The following IFT88 variants were observed in gnomAD, a reference collection of about 807,000 sequenced individuals.
IFT88 encodes the protein intraflagellar transport protein 88 homolog.
A neutral mutation model predicts 119.5 loss-of-function variants in IFT88; 74 were observed. That is an observed-to-expected ratio of 0.62 (90% CI 0.51 to 0.75). The LOEUF is 0.75. Ranked by LOEUF, IFT88 falls within the 30% of genes least tolerant of loss-of-function variation. The pLI is 0.00. For synonymous variants in IFT88, 279 were observed against 316.7 expected (o/e 0.88, Z 1.26); for missense variants, 961 against 977.7 (o/e 0.98, Z 0.23).
At chr13:20,602,835 A>G (rs2042831722) in intron 12 of IFT88, among the ~76,000 whole-genome samples, 2 of 151,762 alleles carry the variant, frequency 1.3e-5, no homozygotes, top group South Asian at 4.2e-4. Flanking sequence ...GTGAGCCAAG[A>G]TTGTGCCACT....
At chr13:20,617,684 G>A (rs2045856714) in intron 14 of IFT88, among the ~76,000 whole-genome samples, 1 of 152,156 alleles carries the variant, frequency 6.6e-6, no homozygotes, top group Admixed American at 6.5e-5. Flanking sequence ...TTTTGGATAT[G>A]GCTGACCTGA....
At chr13:20,580,724 CTT>C (rs1162699940) in intron 2 of IFT88, among the ~76,000 whole-genome samples, 6 of 122,724 alleles carry the variant, frequency 4.9e-5, no homozygotes, top group African/African-American at 9.2e-5. Flanking sequence ...TTTCTTTTTT[CTT>C]TTTTTTTTTT....
intron 20 of IFT88, among the ~76,000 whole-genome samples, chr13:20,650,474 GTTAAAGTA>G (rs2051458669): frequency 6.6e-6 from 1 of 152,128 alleles, no homozygotes; most frequent in Admixed American, 6.5e-5. Context: ...TCCTTAACGT[GTTAAAGTA>G]TTGTATGGAA....
chr13:20,663,274 G>A (rs17055251), intron 22 of IFT88: 272,250 of 1,467,600 alleles, frequency 0.19, 27,779 homozygotes, highest in African/African-American at 0.36. Flanking sequence ...TTCTGGCAGC[G>A]TGAGGACAGG....
intron 3 of IFT88, among the ~76,000 whole-genome samples, chr13:20,587,250 A>C (rs1593842564): frequency 6.8e-6 from 1 of 148,074 alleles, no homozygotes; most frequent in Non-Finnish European, 1.5e-5. Flanking sequence ...TTGTTTGCCT[A>C]CTGCTTTTTT....
rs1566368517 is a variant in IFT88, at chr13:20,653,946, A to G, written c.2002+18A>G. The G allele has an allele frequency of 2.7e-6, 4 of 1,508,946 alleles. No individual in the cohort carries two copies. The highest frequency in any genetic ancestry group is 2.7e-6 in the Non-Finnish European group (3 of 1,105,372). The allele number at this position is 1,508,946 out of a possible 1,614,324, so 93.5% of individuals were successfully genotyped here. A position where few individuals can be genotyped will look rare whatever the true frequency, so the allele number is the denominator to read the frequency against. On this transcript the variant is annotated intron_variant, in intron 21 of 25. Coordinates refer to ENST00000351808, the MANE Select transcript of IFT88 (RefSeq NM_006531.5). ...AAGAAGTGGTAAATGCTTTAGTTTT[A>G]TTCATTTTATAGATATTTTGCTTCT...
chr13:20,597,754 A>AATATATAT (rs1238744164), intron 9 of IFT88, among the ~76,000 whole-genome samples: 1 of 142,594 alleles, frequency 7.0e-6, no homozygotes, highest in African/African-American at 2.6e-5. Context: ...TCAAAAAAAA[A>AATATATAT]ATATATATAT....
intron 23 of IFT88, among the ~76,000 whole-genome samples, chr13:20,665,960 G>T (rs56327800): frequency 0.043 from 6,508 of 152,290 alleles, 184 homozygotes; most frequent in Middle Eastern, 0.075. Flanking sequence ...CACGTTTATG[G>T]GTCCTTTGGA....
intron 24 of IFT88, among the ~76,000 whole-genome samples, chr13:20,682,010 G>A (rs576910155): frequency 2.0e-5 from 3 of 152,148 alleles, no homozygotes; most frequent in Non-Finnish European, 4.4e-5. Flanking sequence ...TTTTGTTTTC[G>A]GAAAGTGATT....
intron 7 of IFT88, among the ~76,000 whole-genome samples, chr13:20,595,462 G>A (rs1055945083): frequency 2.6e-5 from 4 of 151,708 alleles, no homozygotes; most frequent in African/African-American, 7.3e-5. Context: ...GCTAATTTTT[G>A]TATTTTTAGT....
intron 24 of IFT88, among the ~76,000 whole-genome samples, chr13:20,687,943 T>TG (rs1165434248): frequency 6.6e-6 from 1 of 152,194 alleles, no homozygotes; most frequent in African/African-American, 2.4e-5. Flanking sequence ...AGATAAGGCC[T>TG]GGGGCCTCAA....
rs1298655597 is a variant in IFT88 at position 20,691,221 on chromosome 13, T to A, written c.*46T>A. The A allele has an allele frequency of 6.5e-7, 1 of 1,544,250 alleles. No individual in the cohort carries two copies. Among genetic ancestry groups the A allele is most frequent in the East Asian group, 2.3e-5 (1 of 43,886 alleles). On this transcript the variant is annotated 3_prime_UTR_variant, in exon 26 of 26. Transcript: ENST00000351808. ...AAAGGAAAGAAATTGCCTTATGAGA[T>A]CATCCTCATGTTAAACCTTGGATTA...
intron 14 of IFT88, among the ~76,000 whole-genome samples, chr13:20,617,839 G>C (rs9285142): frequency 7.2e-5 from 11 of 152,084 alleles, no homozygotes; most frequent in Middle Eastern, 3.4e-3. Flanking sequence ...TGTCAACCAG[G>C]CTGGAGCGCA....
intron 2 of IFT88, among the ~76,000 whole-genome samples, chr13:20,580,644 A>G (rs762057359): frequency 4.3e-4 from 65 of 151,952 alleles, no homozygotes; most frequent in Non-Finnish European, 8.2e-4. Flanking sequence ...ATAATTTTCT[A>G]TGTTTTGATC....
At chr13:20,589,311 T>C (rs2040260945) in intron 3 of IFT88, among the ~76,000 whole-genome samples, 1 of 152,200 alleles carries the variant, frequency 6.6e-6, no homozygotes, top group Non-Finnish European at 1.5e-5. Flanking sequence ...TTAGTATACT[T>C]TCATCGATGT....
At chr13:20,589,998 A>AATAGTGT in intron 4 of IFT88, 131 bp downstream of exon 4, 1 of 491,568 alleles carries the variant, frequency 2.0e-6, no homozygotes. Flanking sequence ...ATACTTACAA[A>AATAGTGT]CATTATACAA....
chr13:20,597,077 A>C lies in IFT88; in HGVS notation c.552A>C (p.Gln184His), dbSNP rs776380570. The change falls in exon 9 of 26, where the codon CAA becomes CAC. Residue 184 changes from glutamine (Q) to histidine (H), a missense_variant. Transcript: ENST00000351808. ...KERVLVRQRE[Q>H]VTTPENINLD... is the part of the protein sequence containing the mutation. The stretch of plus-strand genomic sequence containing the variant: ...GAGTCCTGGTGAGACAGCGAGAACA[A>C]GTTACAACTCCAGAAAATATCAATT... 19 of 1,607,014 alleles carry C rather than the reference A, an allele frequency of 1.2e-5. No individual in the cohort carries two copies. The Admixed American group carries it at 1.9e-4, about 16-fold the overall frequency.
chr13:20,606,888 A>AAAAT lies in IFT88; in HGVS notation c.1112+1799_1112+1802dup, dbSNP rs567286726. The stretch of plus-strand genomic sequence containing the variant: ...AGAGCAGGACTCCATCTCAAAAAAT[A>AAAAT]AAATAAATAAATAAATAAAATAGTG... On this transcript the variant is annotated intron_variant, in intron 13 of 25. Transcript: ENST00000351808. Among the ~76,000 whole-genome samples the AAAAT allele has an allele frequency of 5.5e-4, 83 of 152,288 alleles. 1 individual carries two copies. In the South Asian group the frequency reaches 0.016, roughly 29 times the overall value.
intron 14 of IFT88, among the ~76,000 whole-genome samples, chr13:20,625,322 C>T (rs969632404): frequency 3.3e-5 from 5 of 152,094 alleles, no homozygotes; most frequent in African/African-American, 1.2e-4. Flanking sequence ...ATAGAGTAAA[C>T]AGCAAATATT....
Sources: allele counts gnomAD v4.1 joint callset (sites outside exome capture counted in the v4.1 genomes callset), GRCh38; gene constraint gnomAD v4.1.1; transcripts MANE v1.5; gene names NCBI Gene and HGNC (gene_info 2026-07-23, HGNC 2026-07-21).